The following ANK2 variants were observed in gnomAD, a reference collection of about 807,000 sequenced individuals.
ANK2 encodes the protein ankyrin 2.
A neutral mutation model predicts 360.5 loss-of-function variants in ANK2; 83 were observed. That is an observed-to-expected ratio of 0.23 (90% CI 0.19 to 0.28). ANK2 has a LOEUF of 0.28. ANK2 is among the 10% of genes least tolerant of loss of function. The pLI, the probability that ANK2 is intolerant of heterozygous loss-of-function variation, is 1.00. For missense variants in ANK2, 4,201 were observed against 4,795.7 expected (o/e 0.88, Z 3.66); for synonymous variants, 1,740 against 1,759.5 (o/e 0.99, Z 0.28).
intron 2 of ANK2, among the ~76,000 whole-genome samples, chr4:112,990,801 A>G (rs1052541748): frequency 6.6e-6 from 1 of 152,104 alleles, no homozygotes; most frequent in South Asian, 2.1e-4. Flanking sequence ...GGTCATTTTG[A>G]TGTATCCACT....
At chr4:113,078,585 C>T (rs545313494) in intron 1 of ANK2, among the ~76,000 whole-genome samples, 12 of 152,254 alleles carry the variant, frequency 7.9e-5, no homozygotes, top group South Asian at 6.2e-4. Context: ...TGATTCTTCT[C>T]ATCAGTCCTG....
chr4:113,004,192 A>T (rs540204232), intron 2 of ANK2, among the ~76,000 whole-genome samples: 1 of 152,142 alleles, frequency 6.6e-6, no homozygotes, highest in African/African-American at 2.4e-5. Flanking sequence ...TTCTTCGATA[A>T]TAAGTTAACC....
intron 9 of ANK2, among the ~76,000 whole-genome samples, chr4:113,249,225 T>C (rs1216567481): frequency 1.3e-5 from 2 of 152,222 alleles, no homozygotes; most frequent in Non-Finnish European, 1.5e-5. Context: ...AAAATGATGC[T>C]TCACTTTTGC....
Position 113,357,013 on chromosome 4 carries a change from G to A in ANK2, c.8395G>A (p.Asp2799Asn), listed in dbSNP as rs374145576. 44 of 1,613,902 alleles carry A rather than the reference G, an allele frequency of 2.7e-5. No individual in the cohort carries two copies. Among genetic ancestry groups the A allele is most frequent in the Non-Finnish European group, 3.5e-5 (41 of 1,179,964 alleles). ...VSSGLQSPTGDDVDEQPVIYK... is the reference protein window; with the variant it reads ...VSSGLQSPTGNDVDEQPVIYK... ...TTCAGGTCTACAGAGTCCGACTGGT[G>A]ATGATGTTGATGAACAGCCAGTCAT... is the stretch of plus-strand genomic sequence containing the variant. The change falls in exon 38 of 46, where the codon GAT becomes AAT. Residue 2799 changes from aspartate to asparagine, a missense_variant. Physicochemically the swap from Asp to Asn is conservative, Grantham distance 23. This residue lies in a region of ANK2 where 2,642 missense variants were observed against 2,714.5 expected (regional missense o/e 0.97). Coordinates refer to ENST00000357077, the MANE Select transcript of ANK2 (RefSeq NM_001148.6).
At chr4:113,149,538 A>G (rs930250524) in intron 1 of ANK2, among the ~76,000 whole-genome samples, 2 of 152,162 alleles carry the variant, frequency 1.3e-5, no homozygotes, top group Non-Finnish European at 1.5e-5. Context: ...TTCAAAAAAT[A>G]CAAAATGATT....
chr4:112,949,711 C>G (rs762944159), intron 2 of ANK2, among the ~76,000 whole-genome samples: 2 of 152,130 alleles, frequency 1.3e-5, no homozygotes, highest in Non-Finnish European at 2.9e-5. Context: ...GCTAGTAAAA[C>G]AAGATATTGT....
chr4:113,201,024 C>T (rs961738315), intron 4 of ANK2, among the ~76,000 whole-genome samples: 2 of 151,984 alleles, frequency 1.3e-5, no homozygotes, highest in African/African-American at 2.4e-5. Flanking sequence ...TATCCTAGAA[C>T]TTAAAGTATA....
intron 1 of ANK2, among the ~76,000 whole-genome samples, chr4:112,882,970 A>G (rs1392074674): frequency 2.1e-5 from 3 of 144,216 alleles, no homozygotes; most frequent in East Asian, 2.2e-4. Flanking sequence ...GAATGGCTGC[A>G]ATGTGCTCCG....
intron 2 of ANK2, among the ~76,000 whole-genome samples, chr4:112,954,207 C>T (rs962461837): frequency 1.4e-4 from 19 of 134,008 alleles, no homozygotes; most frequent in Non-Finnish European, 3.0e-4. Flanking sequence ...CTCCTCCCCT[C>T]CCCTCCCATC....
At chr4:112,777,463 G>C in the ANK2 span, among the ~76,000 whole-genome samples, 1 of 151,992 alleles carries the variant, frequency 6.6e-6, no homozygotes, top group Non-Finnish European at 1.5e-5. Context: ...GGATCGTCTT[G>C]ATCTCCTGAC....
chr4:112,779,719 A>G, the ANK2 span, among the ~76,000 whole-genome samples: 1 of 152,170 alleles, frequency 6.6e-6, no homozygotes, highest in Non-Finnish European at 1.5e-5. Context: ...ACGCATTCAC[A>G]CACATTTTAA....
At chr4:113,006,194 A>G (rs1030300930) in intron 2 of ANK2, among the ~76,000 whole-genome samples, 5 of 152,214 alleles carry the variant, frequency 3.3e-5, no homozygotes, top group African/African-American at 1.2e-4. Flanking sequence ...TAAAAATGAT[A>G]AACAGTTGAG....
At chr4:113,242,354 C>T (rs2040425570) in intron 9 of ANK2, 145 bp downstream of exon 9, 1 of 780,812 alleles carries the variant, frequency 1.3e-6, no homozygotes, top group African/African-American at 1.7e-5. Flanking sequence ...TCTCATACAA[C>T]ATTTAAAGGG....
At chr4:113,374,843 A>G in intron 45 of ANK2, 1 of 1,273,864 alleles carries the variant, frequency 7.9e-7, no homozygotes, top group Non-Finnish European at 1.0e-6. Context: ...AGAGTCAGCA[A>G]AGTTGTTAAA....
At chr4:112,725,728 AT>A in the ANK2 span, among the ~76,000 whole-genome samples, 1 of 152,164 alleles carries the variant, frequency 6.6e-6, no homozygotes, top group East Asian at 2.0e-4. Context: ...GAGTAGTCAA[AT>A]TTACAGAGGC....
In ANK2 at chr4:113,264,924, G is replaced by T; in HGVS notation, c.1414G>T (p.Ala472Ser). The change falls in exon 14 of 46, where the codon GCC becomes TCC. Residue 472 changes from alanine (A) to serine (S), a missense_variant. Around this residue, in one of 4 missense-constraint regions of ANK2, gnomAD observed 1,268 missense variants for 1,650.8 expected, o/e 0.77. Coordinates refer to ENST00000357077, the MANE Select transcript of ANK2 (RefSeq NM_001148.6). ...IRGETALHMA[A>S]RAGQVEVVRC... ...TGGTGAGACGGCACTACACATGGCA[G>T]CCCGAGCCGGGCAGGTGGAAGTGGT... 1.3e-6 allele frequency: 2 copies of T among 1,567,176 alleles called. No homozygotes were observed. The highest frequency in any genetic ancestry group is 1.7e-6 in the Non-Finnish European group (2 of 1,154,884).
intron 2 of ANK2, among the ~76,000 whole-genome samples, chr4:112,975,778 T>G (rs1216600546): frequency 6.6e-6 from 1 of 152,208 alleles, no homozygotes; most frequent in Non-Finnish European, 1.5e-5. Context: ...TCCTCTGTAT[T>G]ATGATGATCA....
At chr4:112,837,041 G>A (rs1219188753) in intron 1 of ANK2, among the ~76,000 whole-genome samples, 1 of 152,202 alleles carries the variant, frequency 6.6e-6, no homozygotes, top group East Asian at 1.9e-4. Context: ...AGGCATGCCA[G>A]AGGTCTTCAA....
At chr4:113,304,421 A>G (rs2076313085) in intron 23 of ANK2, among the ~76,000 whole-genome samples, 3 of 152,208 alleles carry the variant, frequency 2.0e-5, no homozygotes, top group African/African-American at 7.2e-5. Flanking sequence ...GTGGAATTGT[A>G]TATGTGTGCA....
Sources: allele counts gnomAD v4.1 joint callset (sites outside exome capture counted in the v4.1 genomes callset), GRCh38; gene constraint gnomAD v4.1.1; regional missense constraint gnomAD v4.1.1; transcripts MANE v1.5; gene names NCBI Gene and HGNC (gene_info 2026-07-23, HGNC 2026-07-21).